Variants in ADAMTS18 observed in about 807,000 individuals in gnomAD.
ADAMTS18 encodes the protein A disintegrin and metalloproteinase with thrombospondin motifs 18.
In ADAMTS18, 157 loss-of-function variants were observed where a neutral mutation model predicts 165.9. That is an observed-to-expected ratio of 0.95 (90% CI 0.83 to 1.08). The LOEUF is 1.08. Among genes scored for constraint, ADAMTS18 ranks in the 50% least tolerant of loss-of-function variants. The pLI is 0.00. For missense variants in ADAMTS18, 2,040 were observed against 1,534.0 expected, an observed-to-expected ratio of 1.33 and a Z score of -5.51; for synonymous variants, 782 against 578.2, an observed-to-expected ratio of 1.35 and a Z score of -5.06.
At chr16:77,382,549 G>A (rs58417521) in intron 3 of ADAMTS18, among the ~76,000 whole-genome samples, 2 of 152,110 alleles carry the variant, frequency 1.3e-5, no homozygotes, top group African/African-American at 4.8e-5. Context: ...GAAGCTACAT[G>A]ACCTTTACAA....
chr16:77,389,392 T>A (rs995000626), intron 3 of ADAMTS18, among the ~76,000 whole-genome samples: 3 of 152,162 alleles, frequency 2.0e-5, no homozygotes, highest in African/African-American at 7.2e-5. Context: ...GTAGGTTTTG[T>A]TTGTTACAGT....
At chr16:77,423,364 G>A (rs1287913907) in intron 3 of ADAMTS18, among the ~76,000 whole-genome samples, 1 of 152,174 alleles carries the variant, frequency 6.6e-6, no homozygotes, top group African/African-American at 2.4e-5. Context: ...CTCTGCAGAG[G>A]AAGGTCTGCA....
At chr16:77,299,500 T>TTATG (rs2055539567) in intron 17 of ADAMTS18, among the ~76,000 whole-genome samples, 1 of 152,194 alleles carries the variant, frequency 6.6e-6, no homozygotes, top group Non-Finnish European at 1.5e-5. Flanking sequence ...CTAAGCCTTA[T>TTATG]TATGCTTAGT....
chr16:77,399,787 C>T (rs2144806827), intron 3 of ADAMTS18, among the ~76,000 whole-genome samples: 1 of 152,272 alleles, frequency 6.6e-6, no homozygotes, highest in Non-Finnish European at 1.5e-5. Context: ...GCAACCATGA[C>T]TTGATTACCA....
chr16:77,357,652 G>T (rs546182696), intron 8 of ADAMTS18, among the ~76,000 whole-genome samples: 1 of 152,120 alleles, frequency 6.6e-6, no homozygotes, highest in Non-Finnish European at 1.5e-5. Context: ...TTTTATGTGC[G>T]TAAGAAAATC....
At chr16:77,373,088 TC>T (rs1476184662) in intron 3 of ADAMTS18, among the ~76,000 whole-genome samples, 1 of 152,162 alleles carries the variant, frequency 6.6e-6, no homozygotes, top group African/African-American at 2.4e-5. Flanking sequence ...TTTTTTTCTT[TC>T]CCCTACAGTC....
chr16:77,400,236 C>T (rs1405480096), intron 3 of ADAMTS18, among the ~76,000 whole-genome samples: 3 of 152,098 alleles, frequency 2.0e-5, no homozygotes, highest in Non-Finnish European at 4.4e-5. Context: ...TCAGCCTTGC[C>T]TCCAGCAGAC....
chr16:77,412,252 G>C (rs1370850359), intron 3 of ADAMTS18, among the ~76,000 whole-genome samples: 1 of 152,108 alleles, frequency 6.6e-6, no homozygotes, highest in African/African-American at 2.4e-5. Flanking sequence ...TGGCTTTTCT[G>C]GGTCTCCATC....
intron 3 of ADAMTS18, among the ~76,000 whole-genome samples, chr16:77,412,093 A>C (rs768993670): frequency 6.6e-6 from 1 of 152,072 alleles, no homozygotes; most frequent in East Asian, 1.9e-4. Context: ...GCCCTCCCCA[A>C]TGGGTCTCAT....
chr16:77,395,780 G>C (rs1225825646), intron 3 of ADAMTS18, among the ~76,000 whole-genome samples: 2 of 152,068 alleles, frequency 1.3e-5, no homozygotes, highest in African/African-American at 2.4e-5. Context: ...GATGGAAATA[G>C]ACAATGGCAA....
At chr16:77,352,195 T>C (rs1276730344) in intron 10 of ADAMTS18, among the ~76,000 whole-genome samples, 1 of 152,188 alleles carries the variant, frequency 6.6e-6, no homozygotes, top group African/African-American at 2.4e-5. Context: ...CTCAAACCTA[T>C]GATTTGATGA....
intron 3 of ADAMTS18, among the ~76,000 whole-genome samples, chr16:77,426,125 A>C (rs1021386941): frequency 6.6e-6 from 1 of 152,122 alleles, no homozygotes; most frequent in Non-Finnish European, 1.5e-5. Flanking sequence ...GCACTTCACA[A>C]TGCATATTAG....
At chr16:77,350,011 C>A (rs897503240) in intron 10 of ADAMTS18, among the ~76,000 whole-genome samples, 2 of 152,196 alleles carry the variant, frequency 1.3e-5, no homozygotes, top group Non-Finnish European at 2.9e-5. Flanking sequence ...CTGCTCACTT[C>A]TAGCTTAGTA....
chr16:77,389,275 A>G (rs1295351367), intron 3 of ADAMTS18, among the ~76,000 whole-genome samples: 1 of 152,228 alleles, frequency 6.6e-6, no homozygotes, highest in Non-Finnish European at 1.5e-5. Context: ...ACTGCACTCC[A>G]GTCTAGGCGA....
chr16:77,379,719 G>A (rs2057005001), intron 3 of ADAMTS18, among the ~76,000 whole-genome samples: 2 of 152,044 alleles, frequency 1.3e-5, no homozygotes, highest in Non-Finnish European at 2.9e-5. Flanking sequence ...TCAAATTCCT[G>A]ACCTCAAGTA....
chr16:77,326,054 A>G lies in ADAMTS18; in HGVS notation c.1860-16T>C, dbSNP rs531405338. 12 of 1,610,800 alleles carry G rather than the reference A, an allele frequency of 7.4e-6. No homozygotes were observed. The Admixed American group carries it at 2.0e-4, about 27-fold the overall frequency. ...ATACTGAGGCCTGAAAATGAAATTA[A>G]TGAACTTTAATGTTAGTAATCAAAG... On this transcript the variant is annotated splice_polypyrimidine_tract_variant and intron_variant, in intron 12 of 22. Transcript: ENST00000282849.
At chr16:77,343,056 G>T (rs1597147217) in intron 10 of ADAMTS18, among the ~76,000 whole-genome samples, 1 of 150,548 alleles carries the variant, frequency 6.6e-6, no homozygotes, top group Non-Finnish European at 1.5e-5. Context: ...CTAATGCACT[G>T]ATTTTAGACC....
chr16:77,284,408 G>A (rs1429884733), intron 22 of ADAMTS18, among the ~76,000 whole-genome samples: 1 of 152,092 alleles, frequency 6.6e-6, no homozygotes, highest in Admixed American at 6.6e-5. Context: ...GATTACAGGT[G>A]TGATCCACCG....
chr16:77,305,448 G>T (rs958849789), intron 16 of ADAMTS18, among the ~76,000 whole-genome samples: 3 of 152,086 alleles, frequency 2.0e-5, no homozygotes, highest in Non-Finnish European at 4.4e-5. Flanking sequence ...AAATTCAACA[G>T]TCATTGTTTG....
Sources: gnomAD v4.1 joint callset for allele counts (sites outside exome capture counted in the v4.1 genomes callset) on GRCh38, gnomAD v4.1.1 for gene constraint, MANE v1.5 for transcripts, NCBI Gene and HGNC (gene_info 2026-07-23, HGNC 2026-07-21) for gene names.